Variants in HTRA1 observed in about 807,000 individuals in gnomAD.
HTRA1 encodes the protein serine protease HTRA1.
Under a neutral mutation model 49.7 loss-of-function variants are expected in HTRA1, and 26 were observed. The ratio of observed to expected loss-of-function variants is 0.52; its 90% CI spans 0.38 to 0.73. The LOEUF (loss-of-function observed/expected upper bound fraction) is 0.73. HTRA1 is among the 30% of genes least tolerant of loss of function. The pLI is 0.00. For missense variants in HTRA1, 561 were observed against 667.2 expected, an observed-to-expected ratio of 0.84 and a Z score of 1.75; for synonymous variants, 291 against 286.9, an observed-to-expected ratio of 1.01 and a Z score of -0.14.
intron 1 of HTRA1, among the ~76,000 whole-genome samples, chr10:122,471,394 A>C (rs2097486071): frequency 6.6e-6 from 1 of 152,182 alleles, no homozygotes; most frequent in African/African-American, 2.4e-5. Flanking sequence ...GTTCCCATGG[A>C]ATTCTCATCA....
At chr10:122,489,364 G>A (rs555576072) in intron 2 of HTRA1, 58 bp from the exon 3 acceptor site, 44 of 1,466,616 alleles carry the variant, frequency 3.0e-5, no homozygotes, top group African/African-American at 2.1e-4. Context: ...TAATCAATGC[G>A]TTGAAGCGTT....
At chr10:122,476,884 G>A (rs2097488731) in intron 1 of HTRA1, among the ~76,000 whole-genome samples, 1 of 152,174 alleles carries the variant, frequency 6.6e-6, no homozygotes, top group Admixed American at 6.5e-5. Context: ...TAAATTTCCC[G>A]GTGTGTCTTC....
chr10:122,501,950 C>A lies in HTRA1; in HGVS notation c.778-4741C>A, dbSNP rs906061160. 3.6e-5 allele frequency among the ~76,000 whole-genome samples: 5 copies of A among 140,756 alleles called. 1 individual carries two copies. Among genetic ancestry groups the A allele is most frequent in the Admixed American group, 2.9e-4 (4 of 13,686 alleles). The allele number at this position is 140,756 out of a possible 152,430, so 92.3% of individuals were successfully genotyped here. On this transcript the variant is annotated intron_variant, in intron 3 of 8. Coordinates refer to ENST00000368984, the MANE Select transcript of HTRA1 (RefSeq NM_002775.5). ...CTTGGACAGATATCTACTCTACATACTCCATTTGGAGTTTTTTTTTTTTTT... is the reference window on the plus strand; with the variant it reads ...CTTGGACAGATATCTACTCTACATAATCCATTTGGAGTTTTTTTTTTTTTT...
intron 3 of HTRA1, among the ~76,000 whole-genome samples, chr10:122,500,040 CT>C (rs1178249359): frequency 6.6e-6 from 1 of 152,146 alleles, no homozygotes; most frequent in Non-Finnish European, 1.5e-5. Context: ...CCAACTTTTT[CT>C]TTGGTTTTGA....
At chr10:122,470,628 A>G (rs1184636663) in intron 1 of HTRA1, among the ~76,000 whole-genome samples, 3 of 152,104 alleles carry the variant, frequency 2.0e-5, no homozygotes, top group East Asian at 1.9e-4. Flanking sequence ...TCAACTCCCA[A>G]TGCTTCAGTG....
intron 3 of HTRA1, among the ~76,000 whole-genome samples, chr10:122,499,071 C>T (rs559236923): frequency 6.6e-6 from 1 of 152,270 alleles, no homozygotes; most frequent in Admixed American, 6.5e-5. Context: ...CGTGGTTGTT[C>T]TGTGGGCTAC....
At chr10:122,510,012 G>C in intron 6 of HTRA1, 84 bp from the exon 7 acceptor site, 4 of 1,176,618 alleles carry the variant, frequency 3.4e-6, no homozygotes, top group Non-Finnish European at 5.1e-6. Flanking sequence ...CTGCAACCTG[G>C]GGGATTGGGC....
chr10:122,499,052 T>C (rs1293424957), intron 3 of HTRA1, among the ~76,000 whole-genome samples: 1 of 152,152 alleles, frequency 6.6e-6, no homozygotes, highest in Non-Finnish European at 1.5e-5. Flanking sequence ...GGGATCAGGC[T>C]GATGATACCG....
intron 1 of HTRA1, among the ~76,000 whole-genome samples, chr10:122,469,320 C>G: frequency 6.6e-6 from 1 of 152,168 alleles, no homozygotes; most frequent in East Asian, 1.9e-4. Flanking sequence ...TGAGTCATCT[C>G]ATATCCTGTG....
intron 1 of HTRA1, among the ~76,000 whole-genome samples, chr10:122,486,340 T>C (rs2097493075): frequency 6.6e-6 from 1 of 152,214 alleles, no homozygotes; most frequent in African/African-American, 2.4e-5. Flanking sequence ...AAAATAATAA[T>C]ATGATACTGT....
At chr10:122,478,566 G>A (rs1053260829) in intron 1 of HTRA1, among the ~76,000 whole-genome samples, 1 of 151,906 alleles carries the variant, frequency 6.6e-6, no homozygotes, top group Non-Finnish European at 1.5e-5. Context: ...CTAATTTTTT[G>A]TATTTTTAGT....
At chr10:122,465,884 C>T (rs1460005920) in intron 1 of HTRA1, among the ~76,000 whole-genome samples, 1 of 152,336 alleles carries the variant, frequency 6.6e-6, no homozygotes, top group Admixed American at 6.5e-5. Context: ...AAGCCAGGAA[C>T]GAGACCTGAA....
At chr10:122,501,414 G>A (rs1409206224) in intron 3 of HTRA1, among the ~76,000 whole-genome samples, 1 of 152,184 alleles carries the variant, frequency 6.6e-6, no homozygotes, top group Non-Finnish European at 1.5e-5. Context: ...TGTGCATGAG[G>A]GAGTATGGAC....
chr10:122,489,309 A>G (rs1017601639), intron 2 of HTRA1, 113 bp from the exon 3 acceptor site: 2 of 1,045,844 alleles, frequency 1.9e-6, no homozygotes, highest in Non-Finnish European at 1.5e-6. Flanking sequence ...AGCCCGATAT[A>G]TAAAGGAGCG....
At chr10:122,480,858 T>C (rs2097490680) in intron 1 of HTRA1, among the ~76,000 whole-genome samples, 1 of 152,114 alleles carries the variant, frequency 6.6e-6, no homozygotes, top group Non-Finnish European at 1.5e-5. Flanking sequence ...GAAACTATTA[T>C]TGATATAGAT....
At position 122,475,369 on chromosome 10, in the gene HTRA1, C is replaced by T. The variant is rs140644752; in HGVS notation, c.472+13245C>T. 6.7e-3 allele frequency among the ~76,000 whole-genome samples: 1,013 copies of T among 152,284 alleles called. 11 individuals are homozygous for T. Among genetic ancestry groups the T allele is most frequent in the African/African-American group, 0.022 (930 of 41,552 alleles). On this transcript the variant is annotated intron_variant, in intron 1 of 8. Transcript: ENST00000368984. ...GGAAGTGCCAATGTGTGCTGCAAGT[C>T]GAGGCCAGGCTCCCGGCTCCCCCGC... is the stretch of plus-strand genomic sequence containing the variant.
chr10:122,477,622 G>C (rs948208084), intron 1 of HTRA1, among the ~76,000 whole-genome samples: 3 of 152,214 alleles, frequency 2.0e-5, no homozygotes, highest in African/African-American at 7.2e-5. Flanking sequence ...TACAGTTTCT[G>C]ACTGGTGTCT....
chr10:122,469,106 A>G (rs79519053), intron 1 of HTRA1, among the ~76,000 whole-genome samples: 1 of 152,176 alleles, frequency 6.6e-6, no homozygotes, highest in Non-Finnish European at 1.5e-5. Context: ...ATAATTTCCA[A>G]ATTGAACAAC....
Position 122,502,885 on chromosome 10 carries a change from C to T in HTRA1, c.778-3806C>T, listed in dbSNP as rs188988699. Among the ~76,000 whole-genome samples the T allele has an allele frequency of 7.9e-5, 12 of 152,310 alleles. No homozygotes were observed. The East Asian group carries it at 1.4e-3, about 17-fold the overall frequency. On this transcript the variant is annotated intron_variant, in intron 3 of 8. Coordinates refer to ENST00000368984, the MANE Select transcript of HTRA1 (RefSeq NM_002775.5). The stretch of plus-strand genomic sequence containing the variant: ...CATGCCCACACTTGCATTTTCTTTT[C>T]CCCCCAGCAGTGTGAGGATCTGGCA...
Sources: allele counts gnomAD v4.1 joint callset (sites outside exome capture counted in the v4.1 genomes callset), GRCh38; gene constraint gnomAD v4.1.1; transcripts MANE v1.5; gene names NCBI Gene and HGNC (gene_info 2026-07-23, HGNC 2026-07-21).